SYT1: variants seen among roughly 807,000 people sequenced by gnomAD.
The protein encoded by SYT1 is synaptotagmin 1.
In SYT1, 8 loss-of-function variants were observed where a neutral mutation model predicts 44.8. That is an observed-to-expected ratio of 0.18 (90% CI 0.10 to 0.32). The LOEUF is 0.32. SYT1 is among the 10% of genes least tolerant of loss of function. The pLI, the probability that SYT1 is intolerant of heterozygous loss-of-function variation, is 1.00. For synonymous variants in SYT1, 154 were observed against 188.8 expected (o/e 0.82, Z 1.51); for missense variants, 286 against 509.3 (o/e 0.56, Z 4.22).
chr12:79,224,747 ATTT>A (rs367969269), intron 4 of SYT1, among the ~76,000 whole-genome samples: 1,309 of 13,886 alleles, frequency 0.094, 18 homozygotes, highest in African/African-American at 0.31. Flanking sequence ...TTATTTATTT[ATTT>A]TTTATTATTA....
chr12:79,356,346 G>T (rs1337002004), intron 9 of SYT1, among the ~76,000 whole-genome samples: 1 of 151,728 alleles, frequency 6.6e-6, no homozygotes, highest in African/African-American at 2.4e-5. Flanking sequence ...CAAACATCAT[G>T]CTTCTCTCTC....
intron 2 of SYT1, among the ~76,000 whole-genome samples, chr12:79,000,474 C>T (rs1299569810): frequency 6.6e-6 from 1 of 151,658 alleles, no homozygotes; most frequent in Non-Finnish European, 1.5e-5. Flanking sequence ...TAATTTTGTA[C>T]TTTTAGTAGA....
intron 3 of SYT1, among the ~76,000 whole-genome samples, chr12:79,195,720 G>A (rs1873411997): frequency 6.6e-6 from 1 of 152,164 alleles, no homozygotes; most frequent in Non-Finnish European, 1.5e-5. Context: ...CAGATTAAAA[G>A]ATGCCAGATT....
chr12:78,901,173 G>A (rs1417453891), intron 1 of SYT1, among the ~76,000 whole-genome samples: 1 of 152,026 alleles, frequency 6.6e-6, no homozygotes, highest in East Asian at 1.9e-4. Flanking sequence ...ATGATTTAAT[G>A]TGTCATGAAA....
In SYT1 at chr12:78,920,558, T is replaced by C. The variant is rs547330446; in HGVS notation, c.-217+55449T>C. 6.2e-5 allele frequency among the ~76,000 whole-genome samples: 4 copies of C among 64,754 alleles called. No individual in the cohort carries two copies. The East Asian group carries it at 8.9e-4, about 14-fold the overall frequency. The allele number at this position is 64,754 out of a possible 152,430, so 42.5% of individuals were successfully genotyped here. On this transcript the variant is annotated intron_variant, in intron 1 of 10. Coordinates refer to ENST00000261205, the MANE Select transcript of SYT1 (RefSeq NM_005639.3). The stretch of plus-strand genomic sequence containing the variant: ...ACCCACTTAGGTGCATGCATTTTTA[T>C]AAACTTTTATAACCAAGTTCTCTAA...
rs145364600 is a variant in SYT1, at chr12:79,365,440, A to G, written c.928+11821A>G. ...AGACCTAAATAAATAGAAAAATAAC[A>G]TGCTCTTGGATAGGGAACAATATAG... On this transcript the variant is annotated intron_variant, in intron 9 of 10. Transcript: ENST00000261205. Among the ~76,000 whole-genome samples the G allele has an allele frequency of 4.4e-3, 668 of 152,214 alleles. 3 individuals are homozygous for G. Among genetic ancestry groups the G allele is most frequent in the African/African-American group, 0.014 (598 of 41,562 alleles).
chr12:78,907,795 C>T (rs1876080660), intron 1 of SYT1, among the ~76,000 whole-genome samples: 1 of 151,808 alleles, frequency 6.6e-6, no homozygotes, highest in African/African-American at 2.4e-5. Context: ...TGCTTTACAA[C>T]CAAAAAAGCA....
intron 2 of SYT1, among the ~76,000 whole-genome samples, chr12:78,979,629 A>G (rs1275538554): frequency 6.6e-6 from 1 of 152,122 alleles, no homozygotes; most frequent in East Asian, 1.9e-4. Context: ...TTTTTTCTAC[A>G]TGTTTTCATT....
intron 9 of SYT1, among the ~76,000 whole-genome samples, chr12:79,421,371 A>G (rs1869104300): frequency 1.3e-5 from 2 of 152,110 alleles, no homozygotes; most frequent in African/African-American, 4.8e-5. Flanking sequence ...ATAAATTTCT[A>G]AGGTGCGCCA....
At chr12:79,403,437 T>G (rs1405983066) in intron 9 of SYT1, among the ~76,000 whole-genome samples, 6 of 152,182 alleles carry the variant, frequency 3.9e-5, no homozygotes, top group Admixed American at 1.3e-4. Context: ...TTCCCTCTTC[T>G]TCAGGGGAGG....
At chr12:78,895,765 G>A (rs1342810077) in intron 1 of SYT1, among the ~76,000 whole-genome samples, 1 of 151,804 alleles carries the variant, frequency 6.6e-6, no homozygotes, top group African/African-American at 2.4e-5. Context: ...ATTATTTCAA[G>A]TTTTAGTCCA....
intron 3 of SYT1, among the ~76,000 whole-genome samples, chr12:79,150,858 G>A (rs1442643399): frequency 6.6e-6 from 1 of 152,166 alleles, no homozygotes; most frequent in Non-Finnish European, 1.5e-5. Context: ...GAGAAGAAAG[G>A]AGAAACAGCC....
intron 3 of SYT1, among the ~76,000 whole-genome samples, chr12:79,149,052 C>T (rs578084881): frequency 5.3e-5 from 8 of 152,148 alleles, no homozygotes; most frequent in African/African-American, 1.9e-4. Flanking sequence ...AAGAACATTA[C>T]TTTATATTTG....
At chr12:79,321,985 G>A (rs952659145) in intron 8 of SYT1, among the ~76,000 whole-genome samples, 8 of 152,290 alleles carry the variant, frequency 5.3e-5, no homozygotes, top group African/African-American at 9.6e-5. Context: ...GGCTGGGAAC[G>A]TAACAGGGGA....
intron 9 of SYT1, among the ~76,000 whole-genome samples, chr12:79,396,720 C>T (rs1173713632): frequency 6.6e-6 from 1 of 152,166 alleles, no homozygotes; most frequent in Non-Finnish European, 1.5e-5. Flanking sequence ...TGATATTTTT[C>T]TGACAGTGTG....
intron 3 of SYT1, among the ~76,000 whole-genome samples, chr12:79,156,436 T>TTGC (rs1197271630): frequency 7.3e-6 from 1 of 136,390 alleles, no homozygotes; most frequent in Non-Finnish European, 1.6e-5. Context: ...GTTGTGGTTG[T>TTGC]TGCTGCTGTT....
chr12:78,930,039 CT>C (rs1237622009), intron 1 of SYT1, among the ~76,000 whole-genome samples: 1 of 152,022 alleles, frequency 6.6e-6, no homozygotes, highest in Non-Finnish European at 1.5e-5. Context: ...GAAAGAGGAG[CT>C]GTTGATCCAG....
At chr12:79,037,348 C>G (rs1353053347) in intron 2 of SYT1, among the ~76,000 whole-genome samples, 2 of 151,578 alleles carry the variant, frequency 1.3e-5, no homozygotes, top group African/African-American at 4.8e-5. Context: ...TGTCATCCCC[C>G]CTTTCTAAAA....
chr12:78,935,453 C>G (rs1196518061), intron 1 of SYT1, among the ~76,000 whole-genome samples: 1 of 152,072 alleles, frequency 6.6e-6, no homozygotes, highest in Non-Finnish European at 1.5e-5. Flanking sequence ...AACAATTCAT[C>G]AGAAGAAAGG....
Sources: gnomAD v4.1 joint callset for allele counts (sites outside exome capture counted in the v4.1 genomes callset) on GRCh38, gnomAD v4.1.1 for gene constraint, MANE v1.5 for transcripts, NCBI Gene and HGNC (gene_info 2026-07-23, HGNC 2026-07-21) for gene names.